MAGI1: variants seen among roughly 807,000 people sequenced by gnomAD.
The protein encoded by MAGI1 is membrane-associated guanylate kinase, WW and PDZ domain-containing protein 1.
Under a neutral mutation model 139.9 loss-of-function variants are expected in MAGI1, and 58 were observed. The ratio of observed to expected loss-of-function variants is 0.41; its 90% CI spans 0.34 to 0.52. The LOEUF is 0.52. MAGI1 is among the 20% of genes least tolerant of loss of function. The pLI is 0.12. For synonymous variants in MAGI1, 812 were observed against 737.9 expected (o/e 1.10, Z -1.63); for missense variants, 1,874 against 1,901.6 (o/e 0.99, Z 0.27).
intron 5 of MAGI1, among the ~76,000 whole-genome samples, chr3:65,466,555 C>A (rs1217802374): frequency 6.6e-6 from 1 of 152,144 alleles, no homozygotes; most frequent in African/African-American, 2.4e-5. Flanking sequence ...GTAGGACTAT[C>A]TCACTATTGC....
At chr3:65,771,202 G>A (rs1465422020) in intron 1 of MAGI1, among the ~76,000 whole-genome samples, 1 of 151,828 alleles carries the variant, frequency 6.6e-6, no homozygotes, top group Non-Finnish European at 1.5e-5. Flanking sequence ...AGCTACTCAG[G>A]AGGCTAAGGC....
At chr3:65,796,061 A>C (rs1268030592) in intron 1 of MAGI1, among the ~76,000 whole-genome samples, 4,204 of 151,294 alleles carry the variant, frequency 0.028, 93 homozygotes, top group Non-Finnish European at 0.045. Flanking sequence ...AAAAAAAAAA[A>C]AAAAAAAAAG....
chr3:65,461,476 A>G (rs890022872), intron 5 of MAGI1, among the ~76,000 whole-genome samples: 7 of 125,614 alleles, frequency 5.6e-5, no homozygotes, highest in Admixed American at 1.7e-4. Context: ...TGGCCTCCCA[A>G]TGTTTCTTGA....
intron 1 of MAGI1, among the ~76,000 whole-genome samples, chr3:65,946,184 TC>T (rs1429264076): frequency 6.6e-6 from 1 of 152,144 alleles, no homozygotes; most frequent in African/African-American, 2.4e-5. Flanking sequence ...CTGCATGCCC[TC>T]CCAGGGCACT....
chr3:65,430,608 T>C (rs1947385122), intron 11 of MAGI1, 91 bp downstream of exon 11: 2 of 1,393,088 alleles, frequency 1.4e-6, no homozygotes, highest in Non-Finnish European at 9.8e-7. Flanking sequence ...TGCTTGGTCT[T>C]GCTCAAACAA....
intron 1 of MAGI1, among the ~76,000 whole-genome samples, chr3:65,683,880 T>C (rs974760450): frequency 3.3e-5 from 5 of 151,444 alleles, no homozygotes; most frequent in Non-Finnish European, 7.4e-5. Context: ...CTCTGGCAAG[T>C]ACTTTTATAA....
intron 1 of MAGI1, among the ~76,000 whole-genome samples, chr3:66,027,803 C>A (rs1473790005): frequency 1.3e-5 from 2 of 152,116 alleles, no homozygotes; most frequent in African/African-American, 4.8e-5. Flanking sequence ...GATAATTCTC[C>A]CTTGAGGGGC....
At chr3:65,844,582 T>C (rs1347237932) in intron 1 of MAGI1, 1 of 186,844 alleles carries the variant, frequency 5.4e-6, no homozygotes, top group African/African-American at 2.4e-5. Flanking sequence ...CCACTTAACT[T>C]CAAAACACAC....
intron 17 of MAGI1, among the ~76,000 whole-genome samples, chr3:65,376,719 G>A (rs762728657): frequency 7.9e-5 from 12 of 152,148 alleles, no homozygotes; most frequent in African/African-American, 1.2e-4. Flanking sequence ...AAAGGACTAC[G>A]AAAATCTAGT....
At chr3:66,002,681 A>AT (rs1195048844) in intron 1 of MAGI1, among the ~76,000 whole-genome samples, 7 of 151,732 alleles carry the variant, frequency 4.6e-5, no homozygotes, top group African/African-American at 1.7e-4. Flanking sequence ...CACGCAGCTA[A>AT]TTTTTTGTAT....
intron 1 of MAGI1, among the ~76,000 whole-genome samples, chr3:66,012,150 A>C (rs1031112575): frequency 6.6e-6 from 1 of 152,186 alleles, no homozygotes; most frequent in African/African-American, 2.4e-5. Flanking sequence ...CCACTGAAAC[A>C]TTCTATGCTC....
chr3:65,453,091 T>C, intron 6 of MAGI1, 167 bp downstream of exon 6: 1 of 621,444 alleles, frequency 1.6e-6, no homozygotes, highest in East Asian at 2.7e-5. Context: ...TTGAAACAAC[T>C]CTGACTTTCT....
chr3:65,722,840 A>C (rs9814511), intron 1 of MAGI1, among the ~76,000 whole-genome samples: 45,967 of 151,580 alleles, frequency 0.3, 7,501 homozygotes, highest in African/African-American at 0.38. Flanking sequence ...AAGAAACACC[A>C]TGTGAGTTTC....
At chr3:65,903,149 C>A (rs1045228508) in intron 1 of MAGI1, among the ~76,000 whole-genome samples, 10 of 152,162 alleles carry the variant, frequency 6.6e-5, no homozygotes, top group African/African-American at 2.4e-4. Flanking sequence ...CACACACCAA[C>A]ACTCCCAGCC....
intron 1 of MAGI1, among the ~76,000 whole-genome samples, chr3:65,905,709 C>T (rs1426891548): frequency 2.0e-5 from 3 of 152,112 alleles, no homozygotes; most frequent in Non-Finnish European, 4.4e-5. Context: ...ACAGACTTTG[C>T]ACCTCAGCTC....
intron 1 of MAGI1, among the ~76,000 whole-genome samples, chr3:65,686,188 G>C (rs542361337): frequency 1.3e-5 from 2 of 152,256 alleles, no homozygotes; most frequent in East Asian, 3.9e-4. Context: ...TCACACCTAT[G>C]AGTCATCTTA....
At chr3:65,739,034 C>T (rs902687959) in intron 1 of MAGI1, among the ~76,000 whole-genome samples, 2 of 152,220 alleles carry the variant, frequency 1.3e-5, no homozygotes, top group Non-Finnish European at 2.9e-5. Context: ...GACTTCTCCT[C>T]TCTAGCTAGG....
chr3:65,505,568 C>G (rs1187162958), intron 2 of MAGI1, among the ~76,000 whole-genome samples: 1 of 151,330 alleles, frequency 6.6e-6, no homozygotes, highest in Non-Finnish European at 1.5e-5. Flanking sequence ...CCACTTAAGA[C>G]CAGCAGAGGT....
chr3:65,703,468 T>C (rs1478551106), intron 1 of MAGI1, among the ~76,000 whole-genome samples: 1 of 152,250 alleles, frequency 6.6e-6, no homozygotes, highest in African/African-American at 2.4e-5. Flanking sequence ...GAACTGCCCT[T>C]AGGCAATTCT....
Sources: gnomAD v4.1 joint callset for allele counts (sites outside exome capture counted in the v4.1 genomes callset) on GRCh38, gnomAD v4.1.1 for gene constraint, MANE v1.5 for transcripts, NCBI Gene and HGNC (gene_info 2026-07-23, HGNC 2026-07-21) for gene names.